The following SLC25A33 variants were observed in gnomAD, a reference collection of about 807,000 sequenced individuals.
SLC25A33 encodes solute carrier family 25 member 33.
SLC25A33 carries 15 observed loss-of-function variants against 35.5 expected under a neutral mutation model. The ratio of observed to expected loss-of-function variants is 0.42; its 90% CI spans 0.28 to 0.65. SLC25A33 has a LOEUF of 0.65. Ranked by LOEUF, SLC25A33 falls within the 30% of genes least tolerant of loss-of-function variation. SLC25A33 has a pLI of 0.20. For synonymous variants in SLC25A33, 136 were observed against 148.7 expected, an observed-to-expected ratio of 0.91 and a Z score of 0.62; for missense variants, 257 against 398.5, an observed-to-expected ratio of 0.64 and a Z score of 3.02.
chr1:9,546,174 ATTTTTTTTTTTTTTT>A (rs746460317), intron 1 of SLC25A33, among the ~76,000 whole-genome samples: 4 of 100,522 alleles, frequency 4.0e-5, no homozygotes, highest in African/African-American at 9.2e-5. Flanking sequence ...ACACAGAGAA[ATTTTTTTTTTTTTTT>A]TTTTTTTTTT....
At chr1:9,579,548 G>A (rs139727612) in intron 5 of SLC25A33, among the ~76,000 whole-genome samples, 54 of 152,272 alleles carry the variant, frequency 3.5e-4, no homozygotes, top group African/African-American at 1.2e-3. Flanking sequence ...AGTAAGGGGC[G>A]TGGAGCTTTC....
chr1:9,553,222 TTTTTTG>T (rs1398197922), intron 1 of SLC25A33, among the ~76,000 whole-genome samples: 27 of 137,966 alleles, frequency 2.0e-4, no homozygotes, highest in African/African-American at 5.0e-4. Context: ...TTTTTTTTTT[TTTTTTG>T]GGTTTTTTTT....
At chr1:9,541,974 T>C (rs2100364164) in intron 1 of SLC25A33, among the ~76,000 whole-genome samples, 1 of 152,196 alleles carries the variant, frequency 6.6e-6, no homozygotes, top group African/African-American at 2.4e-5. Context: ...TAATTTTGTA[T>C]ATTTTTAGTA....
intron 2 of SLC25A33, among the ~76,000 whole-genome samples, chr1:9,563,145 C>T (rs530131419): frequency 6.6e-6 from 1 of 152,042 alleles, no homozygotes; most frequent in East Asian, 1.9e-4. Context: ...AGGACGGTCT[C>T]GATCTCCTGA....
intron 2 of SLC25A33, among the ~76,000 whole-genome samples, chr1:9,557,002 G>A (rs755635247): frequency 3.3e-4 from 50 of 152,214 alleles, no homozygotes; most frequent in Non-Finnish European, 5.9e-4. Flanking sequence ...GCAATGGCGT[G>A]ATCTCGGCAC....
chr1:9,582,285 TTCTC>T lies in SLC25A33; in HGVS notation c.764-8_764-5del, dbSNP rs760121795. On this transcript the variant is annotated splice_polypyrimidine_tract_variant and intron_variant, in intron 6 of 6. Transcript: ENST00000302692. This position sits in a 1 kb window ranked among gnomAD's most constrained non-coding sequence, Gnocchi z 4.0. ...TTAATATGTGGCGTAAAGTAGGTCT[TTCTC>T]TCTCTGCAGAAGTCATAAGGACGAG... The T allele has an allele frequency of 3.7e-6, 6 of 1,613,642 alleles. No homozygotes were observed. Among genetic ancestry groups the T allele is most frequent in the African/African-American group, 2.7e-5 (2 of 74,904 alleles).
intron 1 of SLC25A33, among the ~76,000 whole-genome samples, chr1:9,544,731 ATG>A (rs1643142697): frequency 6.6e-6 from 1 of 152,188 alleles, no homozygotes; most frequent in African/African-American, 2.4e-5. Context: ...TGTTGGCAAA[ATG>A]TGGATAAGCT....
intron 2 of SLC25A33, 122 bp from the exon 3 acceptor site, chr1:9,567,162 C>A: frequency 1.3e-6 from 1 of 790,544 alleles, no homozygotes; most frequent in East Asian, 2.5e-5. Context: ...AGATAAGAGT[C>A]GAGCTTGACA....
At chr1:9,580,862 AAAAAAT>A (rs1225946684) in intron 6 of SLC25A33, among the ~76,000 whole-genome samples, 100 of 125,882 alleles carry the variant, frequency 7.9e-4, no homozygotes, top group East Asian at 1.2e-3. Context: ...CTCAAAAAAA[AAAAAAT>A]AATAATAATA....
chr1:9,581,879 G>A (rs545382965), intron 6 of SLC25A33, among the ~76,000 whole-genome samples: 16 of 152,218 alleles, frequency 1.1e-4, no homozygotes, highest in African/African-American at 3.6e-4. Flanking sequence ...AAATACAGCT[G>A]AGGTGGGAAA....
Position 9,572,420 on chromosome 1 carries a change from G to A in SLC25A33, c.416-926G>A, listed in dbSNP as rs539947241. On this transcript the variant is annotated intron_variant, in intron 4 of 6. Coordinates refer to ENST00000302692, the MANE Select transcript of SLC25A33 (RefSeq NM_032315.3). ...AGGTCAGGAGATCGAGACCATCCTG[G>A]CTAACACGGTGAAACCCTGTCTCTA... Among the ~76,000 whole-genome samples the A allele has an allele frequency of 4.0e-5, 6 of 151,766 alleles. No homozygotes were observed. The East Asian group carries it at 7.8e-4, about 20-fold the overall frequency.
chr1:9,571,869 G>A (rs1157057579), intron 4 of SLC25A33, among the ~76,000 whole-genome samples: 1 of 152,124 alleles, frequency 6.6e-6, no homozygotes, highest in Non-Finnish European at 1.5e-5. Context: ...TCGAACTACT[G>A]AACTCAAGTA....
chr1:9,580,014 A>G lies in SLC25A33; in HGVS notation c.543A>G (p.Glu181=), dbSNP rs143490590. The change falls in exon 6 of 7, where the codon GAA becomes GAG. Residue 181 remains glutamate (E), a synonymous_variant. Transcript: ENST00000302692. ...LQCARYVYQT[E]GIRGFYRGLT... is the part of the protein sequence containing the mutation. ...GTGCTCGTTACGTTTACCAGACCGA[A>G]GGCATTCGTGGCTTCTATAGAGGAT... 18 of 1,613,558 alleles carry G rather than the reference A, an allele frequency of 1.1e-5. No homozygotes were observed. The African/African-American group carries it at 2.4e-4, about 22-fold the overall frequency.
chr1:9,539,682 C>T lies in SLC25A33; in HGVS notation c.-10C>T. 1 of 1,365,204 alleles carries T rather than the reference C, an allele frequency of 7.3e-7. No homozygotes were observed. 84.6% of individuals were successfully genotyped at this position (1,365,204 alleles called of 1,614,324 possible). A position where few individuals can be genotyped will look rare whatever the true frequency, so the allele number is the denominator to read the frequency against. Reference sequence around the variant, plus strand: ...ACCGGGCGGCGACGGGCCGCGGAGCCGGCGCGGCCATGGCGACGGGCGGCC... The same window carrying T: ...ACCGGGCGGCGACGGGCCGCGGAGCTGGCGCGGCCATGGCGACGGGCGGCC... On this transcript the variant is annotated 5_prime_UTR_variant, in exon 1 of 7. Coordinates refer to ENST00000302692, the MANE Select transcript of SLC25A33 (RefSeq NM_032315.3).
At chr1:9,556,566 A>G (rs986256825) in intron 2 of SLC25A33, among the ~76,000 whole-genome samples, 1 of 152,288 alleles carries the variant, frequency 6.6e-6, no homozygotes, top group African/African-American at 2.4e-5. Context: ...CATTTCTTTC[A>G]GCATCATGTT....
rs148922266 is a variant in SLC25A33 at position 9,561,102 on chromosome 1, G to A, written c.237-6182G>A. ...GTAGCTGGGACCCGTCACCACGCCCGGCTAATTTTTTTTGTATTTTTAGTA... is the reference window on the plus strand; with the variant it reads ...GTAGCTGGGACCCGTCACCACGCCCAGCTAATTTTTTTTGTATTTTTAGTA... On this transcript the variant is annotated intron_variant, in intron 2 of 6. Coordinates refer to ENST00000302692, the MANE Select transcript of SLC25A33 (RefSeq NM_032315.3). Among the ~76,000 whole-genome samples, 494 of 152,004 alleles carry A rather than the reference G, an allele frequency of 3.2e-3. 3 individuals carry two copies. The highest frequency in any genetic ancestry group is 0.011 in the African/African-American group (453 of 41,506).
chr1:9,553,095 T>C (rs1307127197), intron 1 of SLC25A33, among the ~76,000 whole-genome samples: 3 of 149,926 alleles, frequency 2.0e-5, no homozygotes, highest in African/African-American at 7.4e-5. Context: ...TTTTGCCTTG[T>C]TGGCCTGGCT....
chr1:9,550,002 T>TATATATAC (rs1271788895), intron 1 of SLC25A33, among the ~76,000 whole-genome samples: 4 of 64,746 alleles, frequency 6.2e-5, no homozygotes, highest in African/African-American at 1.9e-4. Context: ...TATACATATA[T>TATATATAC]ATATATATAT....
intron 3 of SLC25A33, among the ~76,000 whole-genome samples, chr1:9,568,808 T>C (rs1643547431): frequency 6.6e-6 from 1 of 150,844 alleles, no homozygotes; most frequent in Non-Finnish European, 1.5e-5. Flanking sequence ...CTGAGATCGC[T>C]GCACTCCAGC....
Sources: gnomAD v4.1 joint callset for allele counts (sites outside exome capture counted in the v4.1 genomes callset) on GRCh38, gnomAD v4.1.1 for gene constraint, Gnocchi (gnomAD v3.1) non-coding constraint, MANE v1.5 for transcripts, NCBI Gene and HGNC (gene_info 2026-07-23, HGNC 2026-07-21) for gene names.